The following CACNA1E variants were observed in gnomAD, a reference collection of about 807,000 sequenced individuals.
CACNA1E encodes the protein voltage-dependent R-type calcium channel subunit alpha-1E.
In CACNA1E, 40 loss-of-function variants were observed where a neutral mutation model predicts 259.2. The observed-to-expected ratio is 0.15, with a 90% confidence interval of 0.12 to 0.20. The LOEUF is 0.20. CACNA1E is among the 10% of genes least tolerant of loss of function. The pLI is 1.00. For synonymous variants in CACNA1E, 1,104 were observed against 1,138.5 expected (o/e 0.97, Z 0.61); for missense variants, 1,874 against 3,040.1 (o/e 0.62, Z 9.02).
chr1:181,398,748 A>T (rs1232111762), intron 1 of CACNA1E, among the ~76,000 whole-genome samples: 2 of 152,160 alleles, frequency 1.3e-5, no homozygotes. Flanking sequence ...ATCCTGTCTC[A>T]CTTTCAGAAA....
At chr1:181,449,254 T>A (rs1660995116) in intron 2 of CACNA1E, among the ~76,000 whole-genome samples, 1 of 152,146 alleles carries the variant, frequency 6.6e-6, no homozygotes, top group South Asian at 2.1e-4. Context: ...ATGAGAAAAA[T>A]CTCAAGATAC....
chr1:181,466,547 T>TAAGCA (rs1553255428), intron 2 of CACNA1E, among the ~76,000 whole-genome samples: 1 of 151,086 alleles, frequency 6.6e-6, no homozygotes, highest in African/African-American at 2.4e-5. Flanking sequence ...GACTCTGTCT[T>TAAGCA]AAACAAAACA....
chr1:181,423,523 T>C (rs2102203305), intron 2 of CACNA1E, among the ~76,000 whole-genome samples: 1 of 152,006 alleles, frequency 6.6e-6, no homozygotes, highest in Middle Eastern at 3.4e-3. Flanking sequence ...GCAGCTATGC[T>C]GACTTAGTAG....
At chr1:181,680,049 G>C (rs549392915) in intron 7 of CACNA1E, among the ~76,000 whole-genome samples, 2 of 143,584 alleles carry the variant, frequency 1.4e-5, no homozygotes, top group East Asian at 4.3e-4. Flanking sequence ...GGAGTTCAAG[G>C]CTGCAGTGGT....
chr1:181,666,067 A>T (rs1648191371), intron 7 of CACNA1E, among the ~76,000 whole-genome samples: 1 of 152,070 alleles, frequency 6.6e-6, no homozygotes, highest in African/African-American at 2.4e-5. Flanking sequence ...TCTGGGCCTA[A>T]TTGCTCATCA....
intron 3 of CACNA1E, among the ~76,000 whole-genome samples, chr1:181,556,561 C>A (rs572761370): frequency 6.6e-6 from 1 of 152,318 alleles, no homozygotes; most frequent in African/African-American, 2.4e-5. Context: ...ATCCTCTGAG[C>A]ATTGATCTTT....
At chr1:181,745,107 G>T (rs1487948755) in intron 25 of CACNA1E, among the ~76,000 whole-genome samples, 1 of 152,148 alleles carries the variant, frequency 6.6e-6, no homozygotes, top group Non-Finnish European at 1.5e-5. Flanking sequence ...AGGGAGTAAG[G>T]AGGGACAGAG....
At chr1:181,353,700 T>C (rs1391902216) in intron 1 of CACNA1E, among the ~76,000 whole-genome samples, 1 of 152,100 alleles carries the variant, frequency 6.6e-6, no homozygotes, top group Non-Finnish European at 1.5e-5. Context: ...AAACCATTCT[T>C]CCCAATGCAT....
At chr1:181,419,665 T>C (rs1005155006) in intron 2 of CACNA1E, among the ~76,000 whole-genome samples, 9 of 152,234 alleles carry the variant, frequency 5.9e-5, no homozygotes, top group Non-Finnish European at 1.2e-4. Flanking sequence ...TAGTGTGCAG[T>C]TGACTCACAA....
chr1:181,478,930 C>T (rs1413864127), upstream of CACNA1E, among the ~76,000 whole-genome samples: 2 of 152,214 alleles, frequency 1.3e-5, no homozygotes, highest in African/African-American at 2.4e-5. Flanking sequence ...GGACTACCTA[C>T]CAGTCCCCTT....
At chr1:181,462,467 T>C (rs1661880068) in intron 2 of CACNA1E, among the ~76,000 whole-genome samples, 1 of 152,232 alleles carries the variant, frequency 6.6e-6, no homozygotes, top group South Asian at 2.1e-4. Flanking sequence ...AGTTTAATTA[T>C]GATATATTTC....
chr1:181,390,617 CAT>C (rs1298877625), intron 1 of CACNA1E, among the ~76,000 whole-genome samples: 1 of 152,072 alleles, frequency 6.6e-6, no homozygotes, highest in African/African-American at 2.4e-5. Flanking sequence ...TGCTGAAAGC[CAT>C]ATGCTTTTGT....
chr1:181,495,582 C>A (rs1433065231), intron 1 of CACNA1E, among the ~76,000 whole-genome samples: 2 of 152,172 alleles, frequency 1.3e-5, no homozygotes, highest in Non-Finnish European at 2.9e-5. Context: ...TTTTCTCTTT[C>A]CAACAATGCT....
rs1163783604 is a variant in CACNA1E, at chr1:181,325,629, C to A, written c.-15+7506C>A. 2.1e-5 allele frequency among the ~76,000 whole-genome samples: 3 copies of A among 140,982 alleles called. No individual in the cohort carries two copies. The East Asian group carries it at 6.7e-4, about 32-fold the overall frequency. The allele number at this position is 140,982 out of a possible 152,430, so 92.5% of individuals were successfully genotyped here. A position where few individuals can be genotyped will look rare whatever the true frequency, so the allele number is the denominator to read the frequency against. ...TGGAGCATCCAGCATGTGCCAGAAA[C>A]TAGTTTTTTATTTTTATTTATTTAT... On this transcript the variant is annotated intron_variant, in intron 1 of 11. Coordinates refer to the CACNA1E transcript ENST00000524607.
rs996192136 is a variant in CACNA1E, at chr1:181,781,675, G to T, written c.5364+152G>T. Among the ~76,000 whole-genome samples, 3 of 152,184 alleles carry T rather than the reference G, an allele frequency of 2.0e-5. No individual in the cohort carries two copies. The East Asian group carries it at 5.8e-4, about 29-fold the overall frequency. On this transcript the variant is annotated intron_variant, in intron 39 of 47. Coordinates refer to ENST00000367573, the MANE Select transcript of CACNA1E (RefSeq NM_001205293.3). Reference sequence around the variant, plus strand: ...ACGATGAGACTGAAGAGTCAGGAAGGTTCCCAGGAGGACGAACTCATGAGA... The same window carrying T: ...ACGATGAGACTGAAGAGTCAGGAAGTTTCCCAGGAGGACGAACTCATGAGA...
At chr1:181,731,320 C>T (rs1375656391) in intron 19 of CACNA1E, 89 bp downstream of exon 19, 1 of 1,000,054 alleles carries the variant, frequency 1.0e-6, no homozygotes, top group Admixed American at 1.9e-5. Flanking sequence ...CAAAGTGGCA[C>T]TGGGTGTGCA....
chr1:181,610,570 T>G (rs1654665889), intron 6 of CACNA1E, among the ~76,000 whole-genome samples: 1 of 152,256 alleles, frequency 6.6e-6, no homozygotes, highest in Non-Finnish European at 1.5e-5. Context: ...CATTGTTTCT[T>G]ATGCTTAAGT....
chr1:181,488,603 A>G (rs1933047), intron 1 of CACNA1E, among the ~76,000 whole-genome samples: 45,892 of 152,122 alleles, frequency 0.3, 7,007 homozygotes, highest in Admixed American at 0.36. Context: ...ATGAAGCCTG[A>G]AAAATGAGTT....
At chr1:181,368,380 C>G (rs192384892) in intron 1 of CACNA1E, among the ~76,000 whole-genome samples, 1 of 151,372 alleles carries the variant, frequency 6.6e-6, no homozygotes, top group Admixed American at 6.6e-5. Context: ...CGCAGAGAAC[C>G]TATGTACAAA....
Sources: allele counts gnomAD v4.1 joint callset (sites outside exome capture counted in the v4.1 genomes callset), GRCh38; gene constraint gnomAD v4.1.1; transcripts MANE v1.5; gene names NCBI Gene and HGNC (gene_info 2026-07-23, HGNC 2026-07-21).